Variants in TARBP1 observed in about 807,000 individuals in gnomAD.
The protein encoded by TARBP1 is tRNA guanosine 2 -O-methyltransferase TARBP1, also known as tRNA (guanosine(18)-2'-O)-methyltransferase TARBP1.
Under a neutral mutation model 178.6 loss-of-function variants are expected in TARBP1, and 144 were observed. The observed-to-expected ratio is 0.81, with a 90% CI of 0.70 to 0.93. The LOEUF (loss-of-function observed/expected upper bound fraction) is 0.93, where lower values mean the gene tolerates loss of function less well. Ranked by LOEUF, TARBP1 falls within the 40% of genes least tolerant of loss-of-function variation. TARBP1 has a pLI of 0.00. For synonymous variants in TARBP1, 787 were observed against 781.0 expected (o/e 1.01, Z -0.13); for missense variants, 2,067 against 2,011.7 (o/e 1.03, Z -0.53).
At chr1:234,435,885 T>TAA (rs1351655348) in intron 13 of TARBP1, among the ~76,000 whole-genome samples, 1 of 152,138 alleles carries the variant, frequency 6.6e-6, no homozygotes, top group Non-Finnish European at 1.5e-5. Context: ...TGGAAATTGG[T>TAA]AAATACTACA....
At chr1:234,444,352 A>T (rs1207827340) in intron 12 of TARBP1, among the ~76,000 whole-genome samples, 2 of 152,212 alleles carry the variant, frequency 1.3e-5, no homozygotes, top group African/African-American at 4.8e-5. Flanking sequence ...TGTTTCCTCA[A>T]ATTTAAAAGT....
chr1:234,423,445 C>T (rs186204467), intron 20 of TARBP1, among the ~76,000 whole-genome samples: 29 of 152,292 alleles, frequency 1.9e-4, no homozygotes, highest in Middle Eastern at 3.4e-3. Context: ...CCCTGTTATT[C>T]CCCCTTTTCT....
intron 4 of TARBP1, 64 bp downstream of exon 4, chr1:234,467,438 C>T (rs1188439401): frequency 6.5e-6 from 9 of 1,385,704 alleles, no homozygotes; most frequent in Non-Finnish European, 7.7e-6. Context: ...ATACAGAATC[C>T]TAGTGTATTT....
rs1669846744 is a variant in TARBP1 at position 234,478,844 on chromosome 1, C to T, written c.260G>A (p.Ser87Asn). 2 of 1,228,670 alleles carry T rather than the reference C, an allele frequency of 1.6e-6. No individual in the cohort carries two copies. The highest frequency in any genetic ancestry group is 4.4e-5 in the Admixed American group (1 of 22,578). 76.1% of individuals were successfully genotyped at this position (1,228,670 alleles called of 1,614,324 possible). A position where few individuals can be genotyped will look rare whatever the true frequency, so the allele number is the denominator to read the frequency against. ...GCGCCGGCGGTGGCGAGGCTGCAGA[C>T]TGGGGTCCGGGCCGCCCGCGGGGCG... Reference protein sequence around the residue: ...RGRPAGGPDPSLQPRHRRRVL... With the variant: ...RGRPAGGPDPNLQPRHRRRVL... Residue 87 changes from serine to asparagine, a missense_variant, in exon 1 of 30, where the codon AGT becomes AAT. Transcript: ENST00000040877.
At chr1:234,463,596 C>T (rs919922374) in intron 6 of TARBP1, among the ~76,000 whole-genome samples, 2 of 152,134 alleles carry the variant, frequency 1.3e-5, no homozygotes, top group Admixed American at 1.3e-4. Flanking sequence ...AACTGCAGCA[C>T]ACCTTCTAAA....
At chr1:234,393,060 T>A (rs1197728410) in intron 28 of TARBP1, among the ~76,000 whole-genome samples, 1 of 151,874 alleles carries the variant, frequency 6.6e-6, no homozygotes, top group East Asian at 1.9e-4. Flanking sequence ...ACATCAAGAG[T>A]GGGCTGTAAC....
At chr1:234,448,308 T>C (rs539021241) in intron 11 of TARBP1, among the ~76,000 whole-genome samples, 172 bp downstream of exon 11, 1 of 152,352 alleles carries the variant, frequency 6.6e-6, no homozygotes, top group African/African-American at 2.4e-5. Context: ...TATGCCCCTA[T>C]TCCTATTTGT....
chr1:234,430,387 A>G, intron 14 of TARBP1, 86 bp from the exon 15 acceptor site: 1 of 1,219,558 alleles, frequency 8.2e-7, no homozygotes, highest in Non-Finnish European at 1.2e-6. Flanking sequence ...TGGAAAGCTC[A>G]AGCTCTCCTT....
At position 234,442,166 on chromosome 1, in the gene TARBP1, C is replaced by T. The variant is rs190040471; in HGVS notation, c.2134+4637G>A. Among the ~76,000 whole-genome samples, 354 of 152,248 alleles carry T rather than the reference C, an allele frequency of 2.3e-3. 4 individuals carry two copies. The highest frequency in any genetic ancestry group is 8.0e-3 in the African/African-American group (332 of 41,550). ...ATAAACGAAGGAGAAAAATCCTGTA[C>T]GACCTGGGGCTAAGGCAGAGTTCTC... is the stretch of plus-strand genomic sequence containing the variant. On this transcript the variant is annotated intron_variant, in intron 12 of 29. Transcript: ENST00000040877.
At chr1:234,455,776 A>G (rs1667210866) in intron 9 of TARBP1, among the ~76,000 whole-genome samples, 1 of 152,170 alleles carries the variant, frequency 6.6e-6, no homozygotes, top group Non-Finnish European at 1.5e-5. Context: ...CTAAAAAAAA[A>G]TTATTTGCAG....
At chr1:234,394,095 G>A (rs185052701) in intron 26 of TARBP1, among the ~76,000 whole-genome samples, 9 of 152,146 alleles carry the variant, frequency 5.9e-5, no homozygotes, top group Admixed American at 3.3e-4. Context: ...TGAGATACAC[G>A]TTTTTTCACG....
At chr1:234,449,565 C>G (rs1666529141) in intron 10 of TARBP1, among the ~76,000 whole-genome samples, 1 of 152,170 alleles carries the variant, frequency 6.6e-6, no homozygotes, top group Admixed American at 6.5e-5. Context: ...TTCAAATAAT[C>G]TTCCAATGTA....
At chr1:234,471,447 G>T (rs962958140) in intron 2 of TARBP1, among the ~76,000 whole-genome samples, 190 bp from the exon 3 acceptor site, 1 of 152,170 alleles carries the variant, frequency 6.6e-6, no homozygotes. Context: ...CAAAGCTAAT[G>T]AATATAACCA....
chr1:234,443,545 A>G (rs559899480), intron 12 of TARBP1, among the ~76,000 whole-genome samples: 2 of 152,354 alleles, frequency 1.3e-5, no homozygotes, highest in South Asian at 4.1e-4. Context: ...AGGTACAGCC[A>G]CTGTGGAAAA....
intron 26 of TARBP1, 197 bp downstream of exon 26, chr1:234,398,185 T>G: frequency 2.5e-6 from 1 of 400,984 alleles, no homozygotes; most frequent in Admixed American, 4.2e-5. Context: ...TTAAATAGCT[T>G]TAAAGCTAAG....
intron 21 of TARBP1, among the ~76,000 whole-genome samples, chr1:234,419,405 C>T (rs183622285): frequency 2.0e-5 from 3 of 152,184 alleles, no homozygotes; most frequent in East Asian, 1.9e-4. Context: ...TGTAACCTCT[C>T]GGGAAGGACA....
chr1:234,395,014 A>T (rs1659778661), intron 26 of TARBP1, among the ~76,000 whole-genome samples: 1 of 151,826 alleles, frequency 6.6e-6, no homozygotes, highest in Non-Finnish European at 1.5e-5. Flanking sequence ...ACCTGAGGTC[A>T]GGAGTTTGAG....
chr1:234,474,780 C>G (rs76147879), intron 1 of TARBP1, among the ~76,000 whole-genome samples: 8,754 of 152,204 alleles, frequency 0.058, 427 homozygotes, highest in African/African-American at 0.14. Context: ...AGATATGTAT[C>G]GTTTCAGTTG....
chr1:234,445,032 T>C (rs1418290583), intron 12 of TARBP1, among the ~76,000 whole-genome samples: 1 of 152,172 alleles, frequency 6.6e-6, no homozygotes, highest in African/African-American at 2.4e-5. Flanking sequence ...CTCACTATTT[T>C]CATTTCTCTC....
Sources: allele counts gnomAD v4.1 joint callset (sites outside exome capture counted in the v4.1 genomes callset), GRCh38; gene constraint gnomAD v4.1.1; transcripts MANE v1.5; gene names NCBI Gene and HGNC (gene_info 2026-07-23, HGNC 2026-07-21).